PDCD1LG2: variants seen among roughly 807,000 people sequenced by gnomAD.
The protein encoded by PDCD1LG2 is programmed cell death 1 ligand 2, also known as B7 dendritic cell molecule.
PDCD1LG2 carries 32 observed loss-of-function variants against 28.2 expected under a neutral mutation model. The ratio of observed to expected loss-of-function variants is 1.13; its 90% CI spans 0.86 to 1.52. PDCD1LG2 has a LOEUF of 1.52. PDCD1LG2 is among the 40% of genes most tolerant of loss of function. PDCD1LG2 has a pLI of 0.00. For missense variants in PDCD1LG2, 385 were observed against 323.8 expected, an observed-to-expected ratio of 1.19 and a Z score of -1.45; for synonymous variants, 116 against 120.2, an observed-to-expected ratio of 0.97 and a Z score of 0.23.
At chr9:5,562,682 T>A (rs575984311) in intron 5 of PDCD1LG2, among the ~76,000 whole-genome samples, 28 of 152,304 alleles carry the variant, frequency 1.8e-4, no homozygotes, top group Non-Finnish European at 4.0e-4. Flanking sequence ...TCAAGGAAAC[T>A]TACTGGTGAG....
At chr9:5,557,255 A>ATGGATGGATTGATG (rs1816461624) in intron 4 of PDCD1LG2, among the ~76,000 whole-genome samples, 1 of 97,724 alleles carries the variant, frequency 1.0e-5, no homozygotes, top group Non-Finnish European at 2.2e-5. Flanking sequence ...ATTAGATGAT[A>ATGGATGGATTGATG]GATGGATGGA....
intron 4 of PDCD1LG2, among the ~76,000 whole-genome samples, chr9:5,551,410 G>T (rs533181727): frequency 1.3e-5 from 2 of 152,194 alleles, no homozygotes; most frequent in Non-Finnish European, 2.9e-5. Flanking sequence ...AGATTTAGGA[G>T]TTTAAGAGAG....
chr9:5,522,968 G>A (rs767882923), intron 2 of PDCD1LG2, among the ~76,000 whole-genome samples: 1 of 152,202 alleles, frequency 6.6e-6, no homozygotes, highest in Non-Finnish European at 1.5e-5. Context: ...CTGGCAGGGA[G>A]AGTAAGGAGA....
At chr9:5,545,715 G>T (rs573885169) in intron 3 of PDCD1LG2, among the ~76,000 whole-genome samples, 1 of 152,208 alleles carries the variant, frequency 6.6e-6, no homozygotes, top group East Asian at 1.9e-4. Flanking sequence ...ACAACTGATA[G>T]AACAAACAAT....
intron 5 of PDCD1LG2, among the ~76,000 whole-genome samples, 175 bp downstream of exon 5, chr9:5,557,927 G>A (rs150765269): frequency 2.6e-5 from 4 of 152,312 alleles, no homozygotes; most frequent in Admixed American, 1.3e-4. Context: ...GGCTCTCATC[G>A]TCAGTGAGCT....
intron 1 of PDCD1LG2, among the ~76,000 whole-genome samples, chr9:5,512,737 T>G (rs1820085466): frequency 1.3e-5 from 2 of 152,206 alleles, no homozygotes; most frequent in South Asian, 4.1e-4. Flanking sequence ...GCTTATGCCT[T>G]GCCCAGACTA....
rs750407354 is a variant in PDCD1LG2 at position 5,569,601 on chromosome 9, G to A, written c.817-353G>A. Among the ~76,000 whole-genome samples, 8 of 152,212 alleles carry A rather than the reference G, an allele frequency of 5.3e-5. No individual in the cohort carries two copies. The highest frequency in any genetic ancestry group is 1.0e-4 in the Non-Finnish European group (7 of 68,030). ...GAGCATGAATAGAGTGCAGCAGGGT[G>A]AATAATGAGTCTGCAGGAATTAATA... On this transcript the variant is annotated intron_variant, in intron 6 of 6. Coordinates refer to ENST00000397747, the MANE Select transcript of PDCD1LG2 (RefSeq NM_025239.4). This position sits in a 1 kb window ranked among gnomAD's most constrained non-coding sequence, Gnocchi z 4.1.
chr9:5,536,676 C>A (rs1054339642), intron 3 of PDCD1LG2, among the ~76,000 whole-genome samples: 1 of 152,180 alleles, frequency 6.6e-6, no homozygotes, highest in Non-Finnish European at 1.5e-5. Flanking sequence ...GGGGAGGCAC[C>A]CTGCCTACTC....
intron 4 of PDCD1LG2, among the ~76,000 whole-genome samples, chr9:5,552,803 C>T (rs1334554365): frequency 6.6e-6 from 1 of 152,184 alleles, no homozygotes. Flanking sequence ...GCTAGATGCA[C>T]TGTCATCTCT....
intron 5 of PDCD1LG2, among the ~76,000 whole-genome samples, chr9:5,559,411 C>A (rs1395005215): frequency 2.0e-5 from 3 of 152,190 alleles, no homozygotes; most frequent in African/African-American, 7.2e-5. Flanking sequence ...TGCACACAAA[C>A]TTGTGTGCCA....
rs1297310346 is a variant in PDCD1LG2, at chr9:5,571,173, C to T, written c.*1214C>T. 8.6e-6 allele frequency: 2 copies of T among 232,760 alleles called. No homozygotes were observed. The highest frequency in any genetic ancestry group is 4.4e-5 in the African/African-American group (2 of 45,326). 14.4% of individuals were successfully genotyped at this position (232,760 alleles called of 1,614,324 possible). On this transcript the variant is annotated 3_prime_UTR_variant, in exon 7 of 7. Transcript: ENST00000397747. ...AAAGGGTGTGAAATTGACTAACAGA[C>T]AAATCATACATCTCAGTTTCTCAAT... is the stretch of plus-strand genomic sequence containing the variant.
intron 1 of PDCD1LG2, among the ~76,000 whole-genome samples, chr9:5,513,288 C>T (rs1466637476): frequency 1.3e-5 from 2 of 152,244 alleles, no homozygotes; most frequent in South Asian, 4.1e-4. Context: ...CAGCTATGCA[C>T]TGCCCTTTAG....
chr9:5,556,206 G>C (rs1180470576), intron 4 of PDCD1LG2, among the ~76,000 whole-genome samples: 1 of 152,190 alleles, frequency 6.6e-6, no homozygotes, highest in Non-Finnish European at 1.5e-5. Context: ...AACCTGCACA[G>C]GACAAGGGTT....
chr9:5,570,017 T>G lies in PDCD1LG2; in HGVS notation c.*58T>G. ...ATGACATCTAAAGAAGCTTCTGGAC[T>G]CTGAACAAGAATTCGGTGGCCTGCA... On this transcript the variant is annotated 3_prime_UTR_variant, in exon 7 of 7. Transcript: ENST00000397747. 1 of 1,611,662 alleles carries G rather than the reference T, an allele frequency of 6.2e-7. No individual in the cohort carries two copies. The highest frequency in any genetic ancestry group is 1.7e-5 in the Admixed American group (1 of 59,978).
chr9:5,539,627 G>C lies in PDCD1LG2; in HGVS notation c.361+4577G>C, dbSNP rs185511799. Among the ~76,000 whole-genome samples, 388 of 152,330 alleles carry C rather than the reference G, an allele frequency of 2.5e-3. 2 individuals are homozygous for C. Among genetic ancestry groups the C allele is most frequent in the African/African-American group, 9.1e-3 (379 of 41,570 alleles). The stretch of plus-strand genomic sequence containing the variant: ...TCTGGGGGCAATCCATCTGAGGAAG[G>C]GGCGGGAGCATGGCCAAAGAACAGA... On this transcript the variant is annotated intron_variant, in intron 3 of 6. Coordinates refer to ENST00000397747, the MANE Select transcript of PDCD1LG2 (RefSeq NM_025239.4).
intron 3 of PDCD1LG2, among the ~76,000 whole-genome samples, chr9:5,537,768 T>C (rs959131208): frequency 2.0e-5 from 3 of 152,160 alleles, no homozygotes; most frequent in East Asian, 1.9e-4. Flanking sequence ...TTAGGAGATA[T>C]ACCTAATGTT....
In PDCD1LG2 at chr9:5,513,624, A is replaced by T. The variant is rs1159154617; in HGVS notation, c.-15+2821A>T. On this transcript the variant is annotated intron_variant, in intron 1 of 6. Coordinates refer to ENST00000397747, the MANE Select transcript of PDCD1LG2 (RefSeq NM_025239.4). The stretch of plus-strand genomic sequence containing the variant: ...TTATTGCTTAAAAAATTGAGATTTA[A>T]TTTGAACTTAAATGCTCTATTAAAT... Among the ~76,000 whole-genome samples, 3 of 152,218 alleles carry T rather than the reference A, an allele frequency of 2.0e-5. No individual in the cohort carries two copies. The East Asian group carries it at 5.8e-4, about 29-fold the overall frequency.
chr9:5,521,743 C>A (rs957845099), intron 1 of PDCD1LG2, among the ~76,000 whole-genome samples: 1 of 152,206 alleles, frequency 6.6e-6, no homozygotes, highest in African/African-American at 2.4e-5. Context: ...AGATGTATGG[C>A]TCCAACAGAT....
chr9:5,533,865 T>G (rs1055274016), intron 2 of PDCD1LG2, among the ~76,000 whole-genome samples: 2 of 151,472 alleles, frequency 1.3e-5, no homozygotes, highest in African/African-American at 2.4e-5. Context: ...TTCACGGTCA[T>G]GTTTTCAGTA....
Sources: allele counts gnomAD v4.1 joint callset (sites outside exome capture counted in the v4.1 genomes callset), GRCh38; gene constraint gnomAD v4.1.1; non-coding constraint Gnocchi (gnomAD v3.1); transcripts MANE v1.5; gene names NCBI Gene and HGNC (gene_info 2026-07-23, HGNC 2026-07-21).